The following IGSF3 variants were observed in gnomAD, a reference collection of about 807,000 sequenced individuals.
IGSF3 encodes glu-Trp-Ile EWI motif-containing protein 3.
IGSF3 carries 23 observed loss-of-function variants against 114.4 expected under a neutral mutation model. That is an observed-to-expected ratio of 0.20 (90% CI 0.14 to 0.28). The LOEUF (loss-of-function observed/expected upper bound fraction) is 0.28, where lower values mean the gene tolerates loss of function less well. IGSF3 is among the 10% of genes least tolerant of loss of function. The pLI is 1.00. For missense variants in IGSF3, 1,172 were observed against 1,591.5 expected (o/e 0.74, Z 4.48); for synonymous variants, 571 against 645.2 (o/e 0.88, Z 1.74).
Position 116,662,783 on chromosome 1 carries a change from T to A in IGSF3, c.43+3501A>T, listed in dbSNP as rs1195621432. Reference sequence around the variant, plus strand: ...ATAAATCACAATCCTCATCCCCTTCTTTCAGAACCCTTCTCCTGATTGCTC... The same window carrying A: ...ATAAATCACAATCCTCATCCCCTTCATTCAGAACCCTTCTCCTGATTGCTC... On this transcript the variant is annotated intron_variant, in intron 2 of 10. Transcript: ENST00000369486. The surrounding 1 kb of genome is among the most constrained non-coding windows in gnomAD (Gnocchi z 4.3). Among the ~76,000 whole-genome samples the A allele has an allele frequency of 2.0e-5, 3 of 152,202 alleles. No individual in the cohort carries two copies. Among genetic ancestry groups the A allele is most frequent in the Non-Finnish European group, 4.4e-5 (3 of 68,032 alleles).
Position 116,579,870 on chromosome 1 carries a change from G to A in IGSF3, c.2856C>T (p.Ser952=), listed in dbSNP as rs1377161437. ...TGGGGACCACTGTGTCCACCTGCAGGGAAGCATCTGGGGAATGACAAGGGA... is the reference window on the plus strand; with the variant it reads ...TGGGGACCACTGTGTCCACCTGCAGAGAAGCATCTGGGGAATGACAAGGGA... ...TALTVMRPDA[S]LQVDTVVPNA... is the part of the protein sequence containing the mutation. The change falls in exon 10 of 11, where the codon TCC becomes TCT. Residue 952 remains serine (S), a synonymous_variant. Coordinates refer to ENST00000369486, the MANE Select transcript of IGSF3 (RefSeq NM_001007237.3). The surrounding 1 kb of genome is among the most constrained non-coding windows in gnomAD (Gnocchi z 6.4). 6.2e-7 allele frequency: 1 copy of A among 1,600,478 alleles called. No individual in the cohort carries two copies. The highest frequency in any genetic ancestry group is 1.3e-5 in the African/African-American group (1 of 74,682).
At position 116,610,294 on chromosome 1, in the gene IGSF3, G is replaced by A. The variant is rs201874667; in HGVS notation, c.833-1963C>T. Among the ~76,000 whole-genome samples, 1 of 152,142 alleles carries A rather than the reference G, an allele frequency of 6.6e-6. No homozygotes were observed. Among genetic ancestry groups the A allele is most frequent in the Admixed American group, 6.5e-5 (1 of 15,282 alleles). On this transcript the variant is annotated intron_variant, in intron 4 of 10. Coordinates refer to ENST00000369486, the MANE Select transcript of IGSF3 (RefSeq NM_001007237.3). The surrounding 1 kb of genome is among the most constrained non-coding windows in gnomAD (Gnocchi z 4.3). Reference sequence around the variant, plus strand: ...GGTACCCTAGACCTCAGACCTTTCCGTTGCTCCAGGTTAGCCTGGCTGTAA... The same window carrying A: ...GGTACCCTAGACCTCAGACCTTTCCATTGCTCCAGGTTAGCCTGGCTGTAA...
At chr1:116,653,342 AATG>A (rs1648710163) in intron 2 of IGSF3, among the ~76,000 whole-genome samples, 1 of 152,210 alleles carries the variant, frequency 6.6e-6, no homozygotes, top group South Asian at 2.1e-4. Flanking sequence ...GTGTTGAATA[AATG>A]ATGACAAGGA....
At chr1:116,602,377 C>A (rs1192979131) in intron 6 of IGSF3, among the ~76,000 whole-genome samples, 57 of 131,996 alleles carry the variant, frequency 4.3e-4, no homozygotes, top group Non-Finnish European at 7.0e-4. Context: ...AAAAAAAAAA[C>A]ACACCAGTAC....
chr1:116,639,312 C>T (rs530657368), intron 2 of IGSF3, among the ~76,000 whole-genome samples: 116 of 152,368 alleles, frequency 7.6e-4, no homozygotes, highest in African/African-American at 2.5e-3. Flanking sequence ...GGGTTTGTGT[C>T]TTGCTAAAGA....
chr1:116,599,209 A>T (rs925502729), intron 7 of IGSF3, among the ~76,000 whole-genome samples: 6 of 152,208 alleles, frequency 3.9e-5, no homozygotes, highest in South Asian at 2.1e-4. Flanking sequence ...GATGCTCAAT[A>T]GGTGCCTATT....
At chr1:116,601,059 T>G (rs1244514787) in intron 6 of IGSF3, among the ~76,000 whole-genome samples, 1 of 152,218 alleles carries the variant, frequency 6.6e-6, no homozygotes, top group African/African-American at 2.4e-5. Flanking sequence ...ATTCATACAT[T>G]GATCACAATC....
rs1412845087 is a variant in IGSF3 at position 116,574,480 on chromosome 1, T to A, written c.*2832A>T. 2.0e-5 allele frequency: 3 copies of A among 152,612 alleles called. No individual in the cohort carries two copies. The highest frequency in any genetic ancestry group is 4.4e-5 in the Non-Finnish European group (3 of 68,036). The allele number at this position is 152,612 out of a possible 1,614,324, so 9.5% of individuals were successfully genotyped here. A position where few individuals can be genotyped will look rare whatever the true frequency, so the allele number is the denominator to read the frequency against. On this transcript the variant is annotated 3_prime_UTR_variant, in exon 11 of 11. Transcript: ENST00000369486. This position sits in a 1 kb window ranked among gnomAD's most constrained non-coding sequence, Gnocchi z 5.2. ...TTTTAGTGCAACATCTTACAAATAGTTTTCCTTTAAAAAAACAGAAACAAA... is the reference window on the plus strand; with the variant it reads ...TTTTAGTGCAACATCTTACAAATAGATTTCCTTTAAAAAAACAGAAACAAA...
intron 4 of IGSF3, 38 bp from the exon 5 acceptor site, chr1:116,608,369 G>C: frequency 6.5e-7 from 1 of 1,542,516 alleles, no homozygotes; most frequent in Non-Finnish European, 8.8e-7. Context: ...CATCCTGGGT[G>C]AATGAGGGCC....
Position 116,634,948 on chromosome 1 carries a change from C to T in IGSF3, c.44-18491G>A, listed in dbSNP as rs1437249144. ...GAGACAAGGTGAAGAGAATGAGATGCCAGTCTCCACTGCTCCAGTTGTCTA... is the reference window on the plus strand; with the variant it reads ...GAGACAAGGTGAAGAGAATGAGATGTCAGTCTCCACTGCTCCAGTTGTCTA... On this transcript the variant is annotated intron_variant, in intron 2 of 10. Coordinates refer to ENST00000369486, the MANE Select transcript of IGSF3 (RefSeq NM_001007237.3). This position sits in a 1 kb window ranked among gnomAD's most constrained non-coding sequence, Gnocchi z 4.2. Among the ~76,000 whole-genome samples the T allele has an allele frequency of 2.6e-5, 4 of 152,320 alleles. No homozygotes were observed. The highest frequency in any genetic ancestry group is 4.1e-4 in the South Asian group (2 of 4,820).
At chr1:116,619,200 C>T (rs1397164230) in intron 2 of IGSF3, among the ~76,000 whole-genome samples, 1 of 152,200 alleles carries the variant, frequency 6.6e-6, no homozygotes, top group East Asian at 1.9e-4. Context: ...TCATTCTCCT[C>T]CAGTCTTCCC....
At chr1:116,608,771 G>A (rs573708564) in intron 4 of IGSF3, among the ~76,000 whole-genome samples, 2 of 152,234 alleles carry the variant, frequency 1.3e-5, no homozygotes, top group African/African-American at 4.8e-5. Flanking sequence ...TTACCCCACT[G>A]AGGTCTGTGG....
At chr1:116,613,095 C>T (rs189242776) in intron 4 of IGSF3, among the ~76,000 whole-genome samples, 58 of 152,300 alleles carry the variant, frequency 3.8e-4, no homozygotes, top group African/African-American at 1.4e-3. Context: ...CATCAACATG[C>T]CCTATGACTC....
chr1:116,603,628 A>G lies in IGSF3; in HGVS notation c.1620T>C (p.Ala540=), dbSNP rs774034365. 3.1e-6 allele frequency: 5 copies of G among 1,612,954 alleles called. No homozygotes were observed. The highest frequency in any genetic ancestry group is 4.2e-6 in the Non-Finnish European group (5 of 1,179,194). Residue 540 remains alanine (A), a synonymous_variant, in exon 6 of 11, where the codon GCT becomes GCC. Coordinates refer to ENST00000369486, the MANE Select transcript of IGSF3 (RefSeq NM_001007237.3). The surrounding 1 kb of genome is among the most constrained non-coding windows in gnomAD (Gnocchi z 7.1). ...CCAGTCCCACCGCTCACTCACCAAG[A>G]GCTGTGATGGAGATGGGAGTGCTGG... is the stretch of plus-strand genomic sequence containing the variant. The part of the protein sequence containing the change: ...RRASTPISIT[A]LEMGFAVTAI...
chr1:116,579,958 C>T lies in IGSF3; in HGVS notation c.2849-81G>A, dbSNP rs184954081. The T allele has an allele frequency of 8.3e-7, 1 of 1,201,874 alleles. No homozygotes were observed. Among genetic ancestry groups the T allele is most frequent in the Admixed American group, 2.5e-5 (1 of 40,214 alleles). The allele number at this position is 1,201,874 out of a possible 1,614,324, so 74.5% of individuals were successfully genotyped here. A position where few individuals can be genotyped will look rare whatever the true frequency, so the allele number is the denominator to read the frequency against. On this transcript the variant is annotated intron_variant, in intron 9 of 10. Transcript: ENST00000369486. This position sits in a 1 kb window ranked among gnomAD's most constrained non-coding sequence, Gnocchi z 6.4. ...AATAAACTAAATGTCCATCATTAAA[C>T]ACATGATAGTAACATCCATACTATA...
rs1571163957 is a variant in IGSF3 at position 116,618,773 on chromosome 1, G to C, written c.44-2316C>G. Reference sequence around the variant, plus strand: ...GTATTCCTGAAACACAGAACATTTTGCAAACAATTTAACTACATTCATAAC... The same window carrying C: ...GTATTCCTGAAACACAGAACATTTTCCAAACAATTTAACTACATTCATAAC... On this transcript the variant is annotated intron_variant, in intron 2 of 10. Transcript: ENST00000369486. The surrounding 1 kb of genome is among the most constrained non-coding windows in gnomAD (Gnocchi z 4.7). Among the ~76,000 whole-genome samples the C allele has an allele frequency of 6.6e-6, 1 of 152,232 alleles. No homozygotes were observed. The highest frequency in any genetic ancestry group is 1.9e-4 in the East Asian group (1 of 5,180).
chr1:116,577,200 C>A lies in IGSF3; in HGVS notation c.*112G>T. The A allele has an allele frequency of 8.1e-7, 1 of 1,234,132 alleles. No homozygotes were observed. Among genetic ancestry groups the A allele is most frequent in the African/African-American group, 1.5e-5 (1 of 65,758 alleles). The allele number at this position is 1,234,132 out of a possible 1,614,324, so 76.4% of individuals were successfully genotyped here. A position where few individuals can be genotyped will look rare whatever the true frequency, so the allele number is the denominator to read the frequency against. On this transcript the variant is annotated 3_prime_UTR_variant, in exon 11 of 11. Transcript: ENST00000369486. The surrounding 1 kb of genome is among the most constrained non-coding windows in gnomAD (Gnocchi z 5.7). ...AACTTGGAACACTTTTCAAGTCTGA[C>A]AACTTTCCACACACATGCACCCCAG...
rs1443119766 is a variant in IGSF3, at chr1:116,648,520, A to G, written c.43+17764T>C. Among the ~76,000 whole-genome samples, 1 of 152,206 alleles carries G rather than the reference A, an allele frequency of 6.6e-6. No individual in the cohort carries two copies. ...GACGAAAACCAGATGCCAAAGCCAA[A>G]GGCCTCCCAGCACTCACAAGGCCCT... On this transcript the variant is annotated intron_variant, in intron 2 of 10. Transcript: ENST00000369486. The surrounding 1 kb of genome is among the most constrained non-coding windows in gnomAD (Gnocchi z 4.7).
At position 116,647,600 on chromosome 1, in the gene IGSF3, G is replaced by T. The variant is rs1016055945; in HGVS notation, c.43+18684C>A. ...GAGTATTTCCTATTATTTTACAGAT[G>T]AGGAAATGAGAGTTTAGAAAAGTAA... is the stretch of plus-strand genomic sequence containing the variant. On this transcript the variant is annotated intron_variant, in intron 2 of 10. Coordinates refer to ENST00000369486, the MANE Select transcript of IGSF3 (RefSeq NM_001007237.3). The surrounding 1 kb of genome is among the most constrained non-coding windows in gnomAD (Gnocchi z 4.6). Among the ~76,000 whole-genome samples the T allele has an allele frequency of 6.6e-6, 1 of 152,216 alleles. No individual in the cohort carries two copies. The highest frequency in any genetic ancestry group is 1.5e-5 in the Non-Finnish European group (1 of 68,044).
Sources: allele counts gnomAD v4.1 joint callset (sites outside exome capture counted in the v4.1 genomes callset), GRCh38; gene constraint gnomAD v4.1.1; non-coding constraint Gnocchi (gnomAD v3.1); transcripts MANE v1.5; gene names NCBI Gene and HGNC (gene_info 2026-07-23, HGNC 2026-07-21).